RAB19: variants seen among roughly 807,000 people sequenced by gnomAD.
RAB19 encodes RAB19, member RAS oncogene family.
Under a neutral mutation model 17.3 loss-of-function variants are expected in RAB19, and 21 were observed. The observed-to-expected ratio is 1.21, with a 90% CI of 0.86 to 1.74. RAB19 has a LOEUF of 1.74. Ranked by LOEUF, RAB19 falls within the 40% of genes most tolerant of loss-of-function variation. The probability of loss-of-function intolerance (pLI) is 0.00; values close to 1 mark genes in which losing one functional copy is unlikely to be tolerated. For synonymous variants in RAB19, 126 were observed against 110.4 expected, an observed-to-expected ratio of 1.14 and a Z score of -0.88; for missense variants, 277 against 286.8, an observed-to-expected ratio of 0.97 and a Z score of 0.25.
At position 140,425,900 on chromosome 7, in the gene RAB19, G is replaced by A; in HGVS notation, c.404G>A (p.Trp135Ter). ...IMLIGNKCDL[W>*]EKRHVLFEDA... is the part of the protein sequence containing the mutation. ...CTTCCAGGAAATAAATGTGACCTCT[G>A]GGAAAAGCGGCACGTCCTGTTCGAG... Residue 135 changes from tryptophan (W) to a stop codon, truncating the protein, a stop_gained, in exon 4 of 4, where the codon TGG (tryptophan) becomes TAG (stop). Coordinates refer to ENST00000537763, the MANE Select transcript of RAB19 (RefSeq NM_001008749.3). LOFTEE classifies it high-confidence loss of function. 1.2e-6 allele frequency: 2 copies of A among 1,611,246 alleles called. No homozygotes were observed. Among genetic ancestry groups the A allele is most frequent in the African/African-American group, 1.3e-5 (1 of 74,924 alleles).
chr7:140,424,608 TC>T (rs1799621646), intron 3 of RAB19, among the ~76,000 whole-genome samples: 2 of 85,938 alleles, frequency 2.3e-5, no homozygotes, highest in Admixed American at 1.2e-4. Context: ...TCTCTCTCTC[TC>T]TCTCTCTCTC....
chr7:140,405,294 C>T (rs908010887), intron 1 of RAB19, among the ~76,000 whole-genome samples: 15 of 152,112 alleles, frequency 9.9e-5, no homozygotes, highest in African/African-American at 3.6e-4. Context: ...GATCTCGGCT[C>T]ACTGCAACCT....
intron 3 of RAB19, among the ~76,000 whole-genome samples, chr7:140,420,718 C>T (rs988231335): frequency 9.9e-5 from 15 of 151,972 alleles, no homozygotes; most frequent in African/African-American, 3.6e-4. Context: ...GCACTAGGGT[C>T]CTGTTGGGCT....
At chr7:140,416,132 C>T (rs1187950369) in intron 3 of RAB19, among the ~76,000 whole-genome samples, 3 of 151,986 alleles carry the variant, frequency 2.0e-5, no homozygotes, top group Non-Finnish European at 2.9e-5. Flanking sequence ...CACCTGAGGT[C>T]GGGAATTCGA....
At position 140,426,311 on chromosome 7, in the gene RAB19, C is replaced by A; in HGVS notation, c.*161C>A. 1 of 756,990 alleles carries A rather than the reference C, an allele frequency of 1.3e-6. No homozygotes were observed. The highest frequency in any genetic ancestry group is 2.1e-6 in the Non-Finnish European group (1 of 481,660). 46.9% of individuals were successfully genotyped at this position (756,990 alleles called of 1,614,324 possible). A position where few individuals can be genotyped will look rare whatever the true frequency, so the allele number is the denominator to read the frequency against. On this transcript the variant is annotated 3_prime_UTR_variant, in exon 4 of 4. Transcript: ENST00000537763. Reference sequence around the variant, plus strand: ...TGGATGGGCCACACTTCTCCCTTGACTCACACCACAGGTCATAGCTGCTGA... The same window carrying A: ...TGGATGGGCCACACTTCTCCCTTGAATCACACCACAGGTCATAGCTGCTGA...
intron 1 of RAB19, 83 bp from the exon 2 acceptor site, chr7:140,407,541 A>G (rs2130084638): frequency 1.1e-6 from 1 of 929,794 alleles, no homozygotes; most frequent in Non-Finnish European, 1.7e-6. Context: ...AGGATGTAGC[A>G]CTGTGAAGGT....
intron 1 of RAB19, among the ~76,000 whole-genome samples, chr7:140,406,249 A>C (rs1329739303): frequency 1.5e-4 from 2 of 13,446 alleles, no homozygotes; most frequent in East Asian, 5.8e-3. Flanking sequence ...ACTCTGTCTC[A>C]AAAAAAAAAA....
intron 1 of RAB19, among the ~76,000 whole-genome samples, chr7:140,405,814 TAAGAAATAATTTTTAA>T (rs1799229159): frequency 6.8e-6 from 1 of 146,634 alleles, no homozygotes; most frequent in Non-Finnish European, 1.5e-5. Flanking sequence ...AAAAGAATAC[TAAGAAATAATTTTTAA>T]AAGAACAAGG....
Position 140,427,971 on chromosome 7 carries a change from T to C in RAB19, c.*1821T>C, listed in dbSNP as rs1416633350. Reference sequence around the variant, plus strand: ...AATTAAATTGGTTCATAGATGAATATCAAGCCAGTGTTGTACTGCCCCTTC... The same window carrying C: ...AATTAAATTGGTTCATAGATGAATACCAAGCCAGTGTTGTACTGCCCCTTC... On this transcript the variant is annotated 3_prime_UTR_variant, in exon 4 of 4. Coordinates refer to ENST00000537763, the MANE Select transcript of RAB19 (RefSeq NM_001008749.3). 1.3e-5 allele frequency among the ~76,000 whole-genome samples: 2 copies of C among 152,298 alleles called. No individual in the cohort carries two copies. The highest frequency in any genetic ancestry group is 2.9e-5 in the Non-Finnish European group (2 of 68,018).
rs71761236 is a variant in RAB19 at position 140,425,724 on chromosome 7, C to CA, written c.386-147dup. 9.4e-4 allele frequency among the ~76,000 whole-genome samples: 132 copies of CA among 140,620 alleles called. 1 individual carries two copies. The highest frequency in any genetic ancestry group is 2.2e-3 in the African/African-American group (82 of 37,822). 92.3% of individuals were successfully genotyped at this position (140,620 alleles called of 152,430 possible). ...GGGCGACAAGAGTGAAACTCCATCT[C>CA]AAAAAAAAAAAGAAACAAAAAAATG... On this transcript the variant is annotated intron_variant, in intron 3 of 3. Transcript: ENST00000537763.
chr7:140,410,376 G>A (rs1799336171), intron 2 of RAB19, among the ~76,000 whole-genome samples: 1 of 135,458 alleles, frequency 7.4e-6, no homozygotes, highest in Non-Finnish European at 1.5e-5. Context: ...CCGAACTGCG[G>A]ACTGCAGTGG....
chr7:140,409,715 T>C (rs549332312), intron 2 of RAB19, among the ~76,000 whole-genome samples: 1 of 145,714 alleles, frequency 6.9e-6, no homozygotes, highest in Non-Finnish European at 1.5e-5. Flanking sequence ...TAAAATAGGC[T>C]GGGCGTGGTG....
At chr7:140,406,496 TG>T (rs1563067916) in intron 1 of RAB19, among the ~76,000 whole-genome samples, 2 of 151,316 alleles carry the variant, frequency 1.3e-5, no homozygotes, top group Non-Finnish European at 2.9e-5. Context: ...AAAAATTACC[TG>T]GGTGTGGTAG....
At chr7:140,408,058 T>TA (rs1554440922) in intron 2 of RAB19, among the ~76,000 whole-genome samples, 7 of 149,680 alleles carry the variant, frequency 4.7e-5, no homozygotes, top group Non-Finnish European at 8.9e-5. Context: ...TTTTTTTTTT[T>TA]ATGTATTTTT....
intron 3 of RAB19, among the ~76,000 whole-genome samples, chr7:140,416,736 G>A (rs1278465376): frequency 1.3e-5 from 2 of 152,252 alleles, no homozygotes; most frequent in East Asian, 1.9e-4. Context: ...TGGACCCGTG[G>A]ACATCAGCAC....
intron 3 of RAB19, among the ~76,000 whole-genome samples, chr7:140,418,718 G>A (rs1269427046): frequency 6.6e-6 from 1 of 151,898 alleles, no homozygotes; most frequent in Non-Finnish European, 1.5e-5. Flanking sequence ...AATTAGCTGG[G>A]TATGATGGCA....
intron 3 of RAB19, among the ~76,000 whole-genome samples, chr7:140,412,597 G>A (rs1306416136): frequency 6.6e-6 from 1 of 151,262 alleles, no homozygotes; most frequent in Non-Finnish European, 1.5e-5. Flanking sequence ...CGAACTCCTG[G>A]GCTGAAGTGA....
intron 3 of RAB19, among the ~76,000 whole-genome samples, chr7:140,420,420 C>CAAA (rs560889183): frequency 2.2e-4 from 19 of 87,148 alleles, no homozygotes; most frequent in Non-Finnish European, 2.7e-4. Flanking sequence ...GACTCCATAT[C>CAAA]AAAAAAAAAA....
intron 3 of RAB19, among the ~76,000 whole-genome samples, chr7:140,423,736 G>GTTCTT (rs1270692744): frequency 2.0e-5 from 3 of 152,218 alleles, no homozygotes; most frequent in African/African-American, 7.2e-5. Context: ...GAACTGTTCA[G>GTTCTT]TGCTTTGACT....
Sources: gnomAD v4.1 joint callset for allele counts (sites outside exome capture counted in the v4.1 genomes callset) on GRCh38, gnomAD v4.1.1 for gene constraint, MANE v1.5 for transcripts, NCBI Gene and HGNC (gene_info 2026-07-23, HGNC 2026-07-21) for gene names.